The following EYA2 variants were observed in gnomAD, a reference collection of about 807,000 sequenced individuals.
The protein encoded by EYA2 is EYA transcriptional coactivator and phosphatase 2.
Under a neutral mutation model 69.2 loss-of-function variants are expected in EYA2, and 31 were observed. The observed-to-expected ratio is 0.45, with a 90% CI of 0.34 to 0.60. The LOEUF is 0.60. Ranked by LOEUF, EYA2 falls within the 20% of genes least tolerant of loss-of-function variation. EYA2 has a pLI of 0.02. For synonymous variants in EYA2, 257 were observed against 279.4 expected (o/e 0.92, Z 0.80); for missense variants, 622 against 701.2 (o/e 0.89, Z 1.28).
chr20:47,034,442 G>A lies in EYA2; in HGVS notation c.415+18145G>A, dbSNP rs74932736. 3.7e-3 allele frequency among the ~76,000 whole-genome samples: 561 copies of A among 152,322 alleles called. 6 individuals are homozygous for A. The highest frequency in any genetic ancestry group is 0.013 in the African/African-American group (535 of 41,548). ...AAACTGTGTGGGGGCAGGGAGATGA[G>A]TAGAGTCTGGATGCAGGAATCTTGT... On this transcript the variant is annotated intron_variant, in intron 5 of 15. Coordinates refer to ENST00000327619, the MANE Select transcript of EYA2 (RefSeq NM_005244.5).
At chr20:47,136,415 G>A (rs186671037) in intron 9 of EYA2, among the ~76,000 whole-genome samples, 5 of 152,156 alleles carry the variant, frequency 3.3e-5, no homozygotes, top group Admixed American at 6.5e-5. Flanking sequence ...AGTGATCCAC[G>A]AGGCAGATCT....
chr20:46,960,488 A>T (rs1979407542), intron 1 of EYA2, among the ~76,000 whole-genome samples: 1 of 152,096 alleles, frequency 6.6e-6, no homozygotes. Flanking sequence ...AACCTTTGTG[A>T]TTCCCATTGG....
intron 4 of EYA2, among the ~76,000 whole-genome samples, chr20:47,010,788 GA>G (rs1372854597): frequency 1.7e-5 from 2 of 119,442 alleles, no homozygotes; most frequent in East Asian, 4.1e-4. Context: ...AAATTGAGTT[GA>G]TTTTTTTTTT....
chr20:46,978,542 TG>T (rs1980604547), intron 1 of EYA2: 12 of 534,434 alleles, frequency 2.2e-5, no homozygotes, highest in Middle Eastern at 3.2e-4. Context: ...AATCAGATAT[TG>T]GACAAGGAGA....
chr20:46,992,360 C>G (rs1009676874), intron 2 of EYA2, among the ~76,000 whole-genome samples: 21 of 152,146 alleles, frequency 1.4e-4, no homozygotes, highest in African/African-American at 4.8e-4. Flanking sequence ...CAGATTTGAA[C>G]CTAGATAGTC....
intron 9 of EYA2, among the ~76,000 whole-genome samples, chr20:47,131,017 A>C (rs2033328853): frequency 6.6e-6 from 1 of 152,050 alleles, no homozygotes; most frequent in African/African-American, 2.4e-5. Context: ...TGAGCCCAGG[A>C]GGTGGAGGTT....
intron 1 of EYA2, among the ~76,000 whole-genome samples, chr20:46,974,628 G>C (rs1263460202): frequency 6.6e-6 from 1 of 152,108 alleles, no homozygotes; most frequent in Non-Finnish European, 1.5e-5. Context: ...CAAGCACTTC[G>C]TGTTGTCCAG....
At chr20:46,917,578 C>T (rs758232162) in intron 1 of EYA2, among the ~76,000 whole-genome samples, 9 of 152,150 alleles carry the variant, frequency 5.9e-5, no homozygotes, top group Non-Finnish European at 1.0e-4. Flanking sequence ...GGAGATGCTG[C>T]GGGGTTGGTT....
chr20:46,940,265 G>A (rs548703627), intron 1 of EYA2, among the ~76,000 whole-genome samples: 1 of 152,328 alleles, frequency 6.6e-6, no homozygotes, highest in Non-Finnish European at 1.5e-5. Flanking sequence ...GCCAGGCATA[G>A]CTGTAAGTGC....
rs76721297 is a variant in EYA2, at chr20:47,088,510, G to A, written c.662-729G>A. ...GTGGCCCCTCCCTCACTCCCTGACCGAGGCCTTCCCTGACTAGCCCCATAT... is the reference window on the plus strand; with the variant it reads ...GTGGCCCCTCCCTCACTCCCTGACCAAGGCCTTCCCTGACTAGCCCCATAT... On this transcript the variant is annotated intron_variant, in intron 7 of 15. Coordinates refer to ENST00000327619, the MANE Select transcript of EYA2 (RefSeq NM_005244.5). Among the ~76,000 whole-genome samples, 853 of 152,158 alleles carry A rather than the reference G, an allele frequency of 5.6e-3. 10 individuals carry two copies. Among genetic ancestry groups the A allele is most frequent in the African/African-American group, 0.019 (800 of 41,502 alleles).
chr20:47,128,607 C>A (rs529836730), intron 9 of EYA2, among the ~76,000 whole-genome samples: 2 of 150,882 alleles, frequency 1.3e-5, no homozygotes, highest in Non-Finnish European at 2.9e-5. Context: ...GTTACTAGTT[C>A]CCATGAAGAT....
intron 2 of EYA2, among the ~76,000 whole-genome samples, chr20:46,997,341 G>C (rs1443078458): frequency 1.3e-5 from 2 of 152,156 alleles, no homozygotes; most frequent in African/African-American, 2.4e-5. Context: ...TCCAACACTG[G>C]GGATTACACT....
At chr20:47,082,912 G>A (rs1450765880) in intron 7 of EYA2, among the ~76,000 whole-genome samples, 2 of 151,954 alleles carry the variant, frequency 1.3e-5, no homozygotes, top group Non-Finnish European at 2.9e-5. Flanking sequence ...TTCAGAAATA[G>A]GTTGGGTGCC....
intron 1 of EYA2, among the ~76,000 whole-genome samples, chr20:46,912,215 C>T (rs1984676503): frequency 6.6e-6 from 1 of 152,204 alleles, no homozygotes; most frequent in South Asian, 2.1e-4. Flanking sequence ...TAGTGAGTTT[C>T]AAAATGTTGC....
rs1175475504 is a variant in EYA2, at chr20:46,908,942, C to T, written c.-11+13955C>T. Among the ~76,000 whole-genome samples the T allele has an allele frequency of 1.5e-4, 17 of 116,726 alleles. 2 individuals carry two copies. Among genetic ancestry groups the T allele is most frequent in the African/African-American group, 5.6e-4 (17 of 30,430 alleles). The allele number at this position is 116,726 out of a possible 152,430, so 76.6% of individuals were successfully genotyped here. On this transcript the variant is annotated intron_variant, in intron 1 of 15. Transcript: ENST00000327619. ...TGACCAGAAAGGATGCCAAGAGATG[C>T]TAAAAATTGTTTCCAGGAAAAAGTA...
intron 10 of EYA2, among the ~76,000 whole-genome samples, chr20:47,152,967 G>A (rs879156096): frequency 2.0e-5 from 3 of 151,718 alleles, no homozygotes; most frequent in Non-Finnish European, 4.4e-5. Context: ...TGGGGGTTGG[G>A]GTAGTTGGTT....
At chr20:46,937,208 T>G (rs991376447) in intron 1 of EYA2, among the ~76,000 whole-genome samples, 6 of 152,208 alleles carry the variant, frequency 3.9e-5, no homozygotes, top group Non-Finnish European at 8.8e-5. Flanking sequence ...TGTACATGAA[T>G]CTATGGGAGG....
intron 10 of EYA2, among the ~76,000 whole-genome samples, chr20:47,156,127 CATATATATAT>C (rs752111640): frequency 7.5e-3 from 108 of 14,352 alleles, no homozygotes; most frequent in African/African-American, 0.011. Context: ...CACACACACA[CATATATATAT>C]ATATATATAT....
chr20:47,048,666 G>T (rs1370376782), intron 5 of EYA2, among the ~76,000 whole-genome samples: 2 of 152,216 alleles, frequency 1.3e-5, no homozygotes, highest in Non-Finnish European at 2.9e-5. Flanking sequence ...GAACCTGGGA[G>T]GCAGAGGTTG....
Sources: gnomAD v4.1 joint callset for allele counts (sites outside exome capture counted in the v4.1 genomes callset) on GRCh38, gnomAD v4.1.1 for gene constraint, MANE v1.5 for transcripts, NCBI Gene and HGNC (gene_info 2026-07-23, HGNC 2026-07-21) for gene names.